Variants in SLC22A4 observed in about 807,000 individuals in gnomAD.
The protein encoded by SLC22A4 is solute carrier family 22 member 4.
SLC22A4 carries 39 observed loss-of-function variants against 56.6 expected under a neutral mutation model. That is an observed-to-expected ratio of 0.69 (90% CI 0.53 to 0.90). The LOEUF is 0.90. Ranked by LOEUF, SLC22A4 falls within the 40% of genes least tolerant of loss-of-function variation. The pLI, the probability that SLC22A4 is intolerant of heterozygous loss-of-function variation, is 0.00. For missense variants in SLC22A4, 594 were observed against 696.5 expected (o/e 0.85, Z 1.66); for synonymous variants, 241 against 281.4 (o/e 0.86, Z 1.44).
At chr5:132,331,680 T>A in intron 5 of SLC22A4, 76 bp from the exon 6 acceptor site, 1 of 1,017,110 alleles carries the variant, frequency 9.8e-7, no homozygotes, top group Admixed American at 1.7e-5. Flanking sequence ...GCATAAGTTT[T>A]CCCCATGCAT....
chr5:132,315,213 G>A (rs986059168), intron 3 of SLC22A4, among the ~76,000 whole-genome samples: 4 of 152,098 alleles, frequency 2.6e-5, no homozygotes, highest in African/African-American at 9.7e-5. Flanking sequence ...CCCAACATGT[G>A]GCTCTGCTTG....
intron 1 of SLC22A4, chr5:132,295,324 G>C (rs1470427105): frequency 1.4e-5 from 8 of 587,694 alleles, no homozygotes; most frequent in African/African-American, 9.2e-5. Flanking sequence ...CGCAGCCCCA[G>C]GCTACCCAGA....
intron 1 of SLC22A4, among the ~76,000 whole-genome samples, chr5:132,306,657 G>T (rs1750048275): frequency 6.6e-6 from 1 of 151,298 alleles, no homozygotes; most frequent in Admixed American, 6.6e-5. Flanking sequence ...TGTTACCCAG[G>T]CTGGTCTTGA....
intron 3 of SLC22A4, among the ~76,000 whole-genome samples, chr5:132,319,687 G>C (rs531509876): frequency 1.8e-4 from 27 of 152,248 alleles, no homozygotes; most frequent in African/African-American, 6.3e-4. Context: ...CTGCCTCCTG[G>C]GTTCAAGCGA....
At chr5:132,332,201 C>T in intron 6 of SLC22A4, 1 of 312,236 alleles carries the variant, frequency 3.2e-6, no homozygotes, top group Non-Finnish European at 6.3e-6. Flanking sequence ...GTAATCCCAG[C>T]TACTTGGGAG....
intron 5 of SLC22A4, among the ~76,000 whole-genome samples, chr5:132,330,896 G>A (rs533451819): frequency 6.6e-6 from 1 of 152,244 alleles, no homozygotes; most frequent in Admixed American, 6.5e-5. Context: ...CAAGCACTGT[G>A]CTAAGCTATA....
In SLC22A4 at chr5:132,294,513, CG is replaced by C; in HGVS notation, c.-101del. On this transcript the variant is annotated 5_prime_UTR_variant, in exon 1 of 10. Transcript: ENST00000200652. The surrounding 1 kb of genome is among the most constrained non-coding windows in gnomAD (Gnocchi z 5.6). ...AATTTCTAACAGCCTGCCTGTCCCC[CG>C]GGAACGTTCTAACATCCTTGGGGAG... is the stretch of plus-strand genomic sequence containing the variant. 1 of 1,520,736 alleles carries C rather than the reference CG, an allele frequency of 6.6e-7. No homozygotes were observed. The highest frequency in any genetic ancestry group is 9.0e-7 in the Non-Finnish European group (1 of 1,107,450). 94.2% of individuals were successfully genotyped at this position (1,520,736 alleles called of 1,614,324 possible).
rs1046798200 is a variant in SLC22A4, at chr5:132,344,107, G to A, written c.*272G>A. 3.5e-5 allele frequency: 14 copies of A among 400,180 alleles called. No homozygotes were observed. Among genetic ancestry groups the A allele is most frequent in the African/African-American group, 2.8e-4 (14 of 49,216 alleles). The allele number at this position is 400,180 out of a possible 1,614,324, so 24.8% of individuals were successfully genotyped here. A position where few individuals can be genotyped will look rare whatever the true frequency, so the allele number is the denominator to read the frequency against. On this transcript the variant is annotated 3_prime_UTR_variant, in exon 10 of 10. Transcript: ENST00000200652. ...TTGAAAACATGTTAGTCAAGGACTGGTAAAATACATATAAAGATTAACACT... is the reference window on the plus strand; with the variant it reads ...TTGAAAACATGTTAGTCAAGGACTGATAAAATACATATAAAGATTAACACT...
rs775174377 is a variant in SLC22A4 at position 132,342,353 on chromosome 5, T to C, written c.1581-1407T>C. 4.8e-4 allele frequency among the ~76,000 whole-genome samples: 73 copies of C among 152,170 alleles called. 1 individual carries two copies. The highest frequency in any genetic ancestry group is 2.6e-4 in the Admixed American group (4 of 15,278). Reference sequence around the variant, plus strand: ...GTCACTTCAGTGTCCAATATATACATGAAAAAAGTTATTTGTCCACATTAA... The same window carrying C: ...GTCACTTCAGTGTCCAATATATACACGAAAAAAGTTATTTGTCCACATTAA... On this transcript the variant is annotated intron_variant, in intron 9 of 9. Transcript: ENST00000200652.
chr5:132,327,834 G>A (rs1372009837), intron 5 of SLC22A4, among the ~76,000 whole-genome samples: 1 of 152,158 alleles, frequency 6.6e-6, no homozygotes, highest in African/African-American at 2.4e-5. Flanking sequence ...CATGTCTTTA[G>A]TCTCACTCTG....
chr5:132,295,505 G>A (rs1310254677), intron 1 of SLC22A4: 2 of 349,538 alleles, frequency 5.7e-6, no homozygotes, highest in Non-Finnish European at 1.1e-5. Context: ...CCTTTCCTGA[G>A]GCCCCAGTTT....
intron 5 of SLC22A4, among the ~76,000 whole-genome samples, chr5:132,330,868 T>A (rs1167899664): frequency 6.6e-6 from 1 of 152,236 alleles, no homozygotes; most frequent in Non-Finnish European, 1.5e-5. Flanking sequence ...TTAAATTTAC[T>A]GGACATTTAC....
chr5:132,295,443 T>C (rs1011782048), intron 1 of SLC22A4: 1 of 388,186 alleles, frequency 2.6e-6, no homozygotes, highest in East Asian at 7.0e-5. Context: ...CACAGACTTC[T>C]GGAGGCATCA....
chr5:132,305,084 C>T (rs1749993306), intron 1 of SLC22A4, among the ~76,000 whole-genome samples: 1 of 152,122 alleles, frequency 6.6e-6, no homozygotes, highest in African/African-American at 2.4e-5. Flanking sequence ...GTCTCTTAAA[C>T]AAACAAAACA....
chr5:132,335,853 G>A lies in SLC22A4; in HGVS notation c.1297G>A (p.Gly433Arg). 3 of 1,614,050 alleles carry A rather than the reference G, an allele frequency of 1.9e-6. No homozygotes were observed. In the South Asian group the frequency reaches 3.3e-5, roughly 18 times the overall value. Residue 433 changes from glycine (G) to arginine (R), a missense_variant, in exon 8 of 10, where the codon GGA becomes AGA. Coordinates refer to ENST00000200652, the MANE Select transcript of SLC22A4 (RefSeq NM_003059.3). ...YFLSIGLVML[G>R]KFGITSAFSM... Reference sequence around the variant, plus strand: ...CTTATCCATTGGTCTGGTCATGCTGGGAAAATTTGGGATCACCTCTGCTTT... The same window carrying A: ...CTTATCCATTGGTCTGGTCATGCTGAGAAAATTTGGGATCACCTCTGCTTT...
intron 8 of SLC22A4, among the ~76,000 whole-genome samples, chr5:132,338,801 G>T (rs1395205148): frequency 6.6e-6 from 1 of 152,142 alleles, no homozygotes; most frequent in Non-Finnish European, 1.5e-5. Flanking sequence ...CTTTTTTCAA[G>T]GTGCCCAGAT....
intron 4 of SLC22A4, among the ~76,000 whole-genome samples, chr5:132,326,174 C>A (rs1367167534): frequency 1.3e-5 from 2 of 152,196 alleles, no homozygotes; most frequent in African/African-American, 4.8e-5. Flanking sequence ...CTTTCCTGGG[C>A]AAAGCCAAGA....
intron 1 of SLC22A4, among the ~76,000 whole-genome samples, chr5:132,308,927 G>A (rs1750108821): frequency 6.6e-6 from 1 of 152,206 alleles, no homozygotes; most frequent in South Asian, 2.1e-4. Context: ...AGCTGGTCAT[G>A]TGTATGTATG....
At chr5:132,322,113 C>A in intron 3 of SLC22A4, 71 bp from the exon 4 acceptor site, 1 of 1,356,488 alleles carries the variant, frequency 7.4e-7, no homozygotes. Context: ...ACTCTAACTG[C>A]CACATAATGA....
Sources: gnomAD v4.1 joint callset for allele counts (sites outside exome capture counted in the v4.1 genomes callset) on GRCh38, gnomAD v4.1.1 for gene constraint, Gnocchi (gnomAD v3.1) non-coding constraint, MANE v1.5 for transcripts, NCBI Gene and HGNC (gene_info 2026-07-23, HGNC 2026-07-21) for gene names.